The following VEZT variants were observed in gnomAD, a reference collection of about 807,000 sequenced individuals.
The protein encoded by VEZT is vezatin.
Under a neutral mutation model 79.9 loss-of-function variants are expected in VEZT, and 39 were observed. That is an observed-to-expected ratio of 0.49 (90% CI 0.38 to 0.64). The LOEUF (loss-of-function observed/expected upper bound fraction) is 0.64. VEZT is among the 30% of genes least tolerant of loss of function. The pLI is 0.00. For synonymous variants in VEZT, 325 were observed against 327.6 expected (o/e 0.99, Z 0.09); for missense variants, 837 against 893.1 (o/e 0.94, Z 0.80).
intron 3 of VEZT, among the ~76,000 whole-genome samples, chr12:95,258,725 AT>A (rs2063867751): frequency 6.6e-6 from 1 of 152,162 alleles, no homozygotes; most frequent in African/African-American, 2.4e-5. Flanking sequence ...GGTAGTGGTA[AT>A]GGCACTTTTT....
At chr12:95,242,877 A>C (rs1382108633) in intron 1 of VEZT, among the ~76,000 whole-genome samples, 1 of 104,168 alleles carries the variant, frequency 9.6e-6, no homozygotes, top group Non-Finnish European at 1.9e-5. Flanking sequence ...CCATCTCACC[A>C]AAAAAAAAAA....
chr12:95,239,866 C>A (rs1212482752), intron 1 of VEZT, among the ~76,000 whole-genome samples: 1 of 151,724 alleles, frequency 6.6e-6, no homozygotes, highest in African/African-American at 2.4e-5. Context: ...GCAGGAAAAT[C>A]ACTTGAACCT....
chr12:95,231,714 T>A (rs868071646), intron 1 of VEZT, among the ~76,000 whole-genome samples: 1 of 152,200 alleles, frequency 6.6e-6, no homozygotes, highest in Non-Finnish European at 1.5e-5. Flanking sequence ...CGAAAAGCAT[T>A]TCCTATTATT....
chr12:95,270,677 G>A (rs111601721), intron 6 of VEZT, among the ~76,000 whole-genome samples: 10 of 152,260 alleles, frequency 6.6e-5, no homozygotes, highest in South Asian at 2.1e-4. Flanking sequence ...TGCTTTAGTC[G>A]TGTTTAAAAT....
chr12:95,261,787 T>A (rs2064557468), intron 3 of VEZT, among the ~76,000 whole-genome samples: 1 of 152,252 alleles, frequency 6.6e-6, no homozygotes, highest in Non-Finnish European at 1.5e-5. Context: ...GAAACACAGC[T>A]ACCAAACGCT....
intron 1 of VEZT, among the ~76,000 whole-genome samples, chr12:95,226,553 A>G (rs1262651724): frequency 6.6e-6 from 1 of 152,176 alleles, no homozygotes; most frequent in Admixed American, 6.6e-5. Context: ...TAATATTCCA[A>G]CAACATCCCT....
At chr12:95,241,538 C>T (rs1321546667) in intron 1 of VEZT, among the ~76,000 whole-genome samples, 1 of 152,044 alleles carries the variant, frequency 6.6e-6, no homozygotes, top group Non-Finnish European at 1.5e-5. Flanking sequence ...AACGCCTGGC[C>T]TCAAGCAATT....
intron 6 of VEZT, among the ~76,000 whole-genome samples, chr12:95,270,777 A>G (rs549791208): frequency 1.4e-4 from 22 of 152,344 alleles, no homozygotes; most frequent in African/African-American, 5.3e-4. Context: ...TCTAGCATAC[A>G]GTAAGCACCC....
Position 95,257,169 on chromosome 12 carries a change from T to A in VEZT, c.188T>A (p.Val63Glu). Residue 63 changes from valine to glutamate, a missense_variant, in exon 3 of 12, where the codon GTG (valine) becomes GAG (glutamate). Physicochemically the swap from Val to Glu is moderately radical, Grantham distance 121. Transcript: ENST00000436874. ...CTTCAGCAAGGTATCCTGTTAAAAG[T>A]GGCTGAAACCATCAAAAGTTGGATT... ...VLPKQGILLK[V>E]AETIKSWIFF... The A allele has an allele frequency of 1.2e-6, 2 of 1,611,216 alleles. No individual in the cohort carries two copies. Among genetic ancestry groups the A allele is most frequent in the South Asian group, 1.1e-5 (1 of 90,348 alleles).
intron 5 of VEZT, 195 bp from the exon 6 acceptor site, chr12:95,269,856 A>G (rs1237339096): frequency 2.6e-6 from 1 of 378,242 alleles, no homozygotes; most frequent in Admixed American, 4.6e-5. Flanking sequence ...CTATATATAC[A>G]TATATATATA....
chr12:95,270,014 G>A, intron 5 of VEZT, 37 bp from the exon 6 acceptor site: 1 of 1,595,912 alleles, frequency 6.3e-7, no homozygotes, highest in Non-Finnish European at 8.5e-7. Context: ...CACCTGTACA[G>A]TTGTATCACA....
intron 1 of VEZT, among the ~76,000 whole-genome samples, chr12:95,241,741 G>A (rs1338344378): frequency 6.7e-6 from 1 of 149,790 alleles, no homozygotes; most frequent in Non-Finnish European, 1.5e-5. Context: ...TCTACTTTTT[G>A]TTTTTAACTG....
At chr12:95,288,961 C>T (rs1032262223) in intron 9 of VEZT, among the ~76,000 whole-genome samples, 6 of 151,846 alleles carry the variant, frequency 4.0e-5, no homozygotes, top group Admixed American at 6.6e-5. Flanking sequence ...GTAGCTGTTA[C>T]CCAGCTTCTC....
chr12:95,248,265 T>C (rs907031387), intron 1 of VEZT, among the ~76,000 whole-genome samples: 15 of 152,222 alleles, frequency 9.9e-5, no homozygotes, highest in African/African-American at 3.6e-4. Context: ...AATAAACTAC[T>C]AGTAGAATTT....
intron 1 of VEZT, among the ~76,000 whole-genome samples, chr12:95,239,974 GA>G (rs1194575078): frequency 4.3e-5 from 6 of 138,970 alleles, no homozygotes; most frequent in African/African-American, 1.1e-4. Flanking sequence ...GAGAGAGAGA[GA>G]GAGAGAGGAG....
Position 95,300,147 on chromosome 12 carries a change from CTT to C in VEZT, c.1832-10_1832-9del. ...TCCTTAGTTATTTTTTTTCTTTTTT[CTT>C]TTTTTTTATTTGAAGCCGTGTTGAA... is the stretch of plus-strand genomic sequence containing the variant. On this transcript the variant is annotated splice_polypyrimidine_tract_variant and intron_variant, in intron 11 of 11. Coordinates refer to ENST00000436874, the MANE Select transcript of VEZT (RefSeq NM_017599.4). 1 of 1,326,940 alleles carries C rather than the reference CTT, an allele frequency of 7.5e-7. No homozygotes were observed. Among genetic ancestry groups the C allele is most frequent in the Non-Finnish European group, 9.8e-7 (1 of 1,021,452 alleles). 82.2% of individuals were successfully genotyped at this position (1,326,940 alleles called of 1,614,324 possible). A position where few individuals can be genotyped will look rare whatever the true frequency, so the allele number is the denominator to read the frequency against.
At position 95,296,256 on chromosome 12, in the gene VEZT, A is replaced by G. The variant is rs749570960; in HGVS notation, c.1829A>G (p.His610Arg). The stretch of plus-strand genomic sequence containing the variant: ...TGGAAGCAACTTCTATTTAGTGATC[A>G]TGGTAAGCACTGACTTTAAAGTAAC... The part of the protein sequence containing the change: ...QKWKQLLFSD[H>R]AVLKSLSPVD... The change falls in exon 11 of 12, where the codon CAT becomes CGT. Residue 610 changes from histidine to arginine, a missense_variant and splice_region_variant. Coordinates refer to ENST00000436874, the MANE Select transcript of VEZT (RefSeq NM_017599.4). 1 of 1,577,060 alleles carries G rather than the reference A, an allele frequency of 6.3e-7. No individual in the cohort carries two copies. The highest frequency in any genetic ancestry group is 1.2e-5 in the South Asian group (1 of 85,646).
intron 6 of VEZT, among the ~76,000 whole-genome samples, chr12:95,271,126 A>G (rs2066506994): frequency 6.6e-6 from 1 of 152,160 alleles, no homozygotes; most frequent in African/African-American, 2.4e-5. Context: ...CTAATGGATG[A>G]AGTTGTGTCT....
At chr12:95,269,051 A>C (rs1409050033) in intron 5 of VEZT, among the ~76,000 whole-genome samples, 1 of 152,190 alleles carries the variant, frequency 6.6e-6, no homozygotes, top group African/African-American at 2.4e-5. Context: ...ATAGATTTTT[A>C]ATACCTGAAT....
Sources: gnomAD v4.1 joint callset for allele counts (sites outside exome capture counted in the v4.1 genomes callset) on GRCh38, gnomAD v4.1.1 for gene constraint, MANE v1.5 for transcripts, NCBI Gene and HGNC (gene_info 2026-07-23, HGNC 2026-07-21) for gene names.